The following ZNF280C variants were observed in gnomAD, a reference collection of about 807,000 sequenced individuals.
The protein encoded by ZNF280C is suppressor of hairy wing homolog 3.
In ZNF280C, 14 loss-of-function variants were observed where a neutral mutation model predicts 53.6. The ratio of observed to expected loss-of-function variants is 0.26; its 90% CI spans 0.17 to 0.41. ZNF280C has a LOEUF of 0.41. Ranked by LOEUF, ZNF280C falls within the 10% of genes least tolerant of loss-of-function variation. The pLI is 1.00. For synonymous variants in ZNF280C, 203 were observed against 181.1 expected (o/e 1.12, Z -0.97); for missense variants, 416 against 547.1 (o/e 0.76, Z 2.39).
intron 2 of ZNF280C, among the ~76,000 whole-genome samples, chrX:130,255,141 C>CTTTTTTTTTTT (rs754125713): frequency 1.1e-5 from 1 of 91,186 alleles, no homozygotes; most frequent in Non-Finnish European, 2.2e-5. Context: ...CTTTTTTTTT[C>CTTTTTTTTTTT]TTTTTTTTTT....
intron 12 of ZNF280C, among the ~76,000 whole-genome samples, chrX:130,225,063 C>T (rs1402774990): frequency 9.0e-6 from 1 of 111,513 alleles, no homozygotes; most frequent in Admixed American, 9.5e-5. Context: ...CAAGTTAAGG[C>T]ATACAACTTA....
At position 130,209,643 on chromosome X, in the gene ZNF280C, C is replaced by A; in HGVS notation, c.2042+10G>T. 8.4e-7 allele frequency: 1 copy of A among 1,190,332 alleles called. No individual in the cohort carries two copies. The highest frequency in any genetic ancestry group is 1.8e-5 in the South Asian group (1 of 54,670). On this transcript the variant is annotated intron_variant, in intron 16 of 18. Transcript: ENST00000370978. The stretch of plus-strand genomic sequence containing the variant: ...TTCAATTGAAAGAAAAAAAAAAGAT[C>A]AATGATTACCTGAGAGTTCCTGAAT...
intron 15 of ZNF280C, among the ~76,000 whole-genome samples, chrX:130,214,713 T>A (rs974451719): frequency 1.8e-5 from 2 of 112,032 alleles, no homozygotes; most frequent in Admixed American, 1.9e-4. Context: ...ATGTAACTGC[T>A]ATTACATAGT....
At chrX:130,230,440 G>T in intron 9 of ZNF280C, 70 bp downstream of exon 9, 1 of 698,687 alleles carries the variant, frequency 1.4e-6, no homozygotes, top group Non-Finnish European at 2.1e-6. Context: ...GCAGAGCAAT[G>T]TAAAGATACT....
Position 130,203,376 on chromosome X carries a change from G to C in ZNF280C, c.*1601C>G, listed in dbSNP as rs955196469. The C allele has an allele frequency of 5.4e-5, 6 of 111,852 alleles. No individual in the cohort carries two copies. Among genetic ancestry groups the C allele is most frequent in the African/African-American group, 1.9e-4 (6 of 30,787 alleles). The allele number at this position is 111,852 out of a possible 1,213,427, so 9.2% of individuals were successfully genotyped here. A position where few individuals can be genotyped will look rare whatever the true frequency, so the allele number is the denominator to read the frequency against. ...AAAAAGTTTAAAAATGTGAGTATCG[G>C]TCGGGTGCAGTGGCTCACACCTGTA... On this transcript the variant is annotated 3_prime_UTR_variant, in exon 19 of 19. Coordinates refer to ENST00000370978, the MANE Select transcript of ZNF280C (RefSeq NM_017666.5).
At position 130,209,727 on chromosome X, in the gene ZNF280C, C is replaced by T. The variant is rs375516046; in HGVS notation, c.1980-12G>A. 43 of 1,183,899 alleles carry T rather than the reference C, an allele frequency of 3.6e-5. No homozygotes were observed. The highest frequency in any genetic ancestry group is 1.2e-4 in the East Asian group (4 of 33,453). ...GGTTGCTATGAGAGCTGGAGAAACA[C>T]GAGACAAACAAGATTTTATTAATTT... On this transcript the variant is annotated splice_polypyrimidine_tract_variant and intron_variant, in intron 15 of 18. Coordinates refer to ENST00000370978, the MANE Select transcript of ZNF280C (RefSeq NM_017666.5).
chrX:130,256,457 G>A (rs1402282934), intron 2 of ZNF280C, among the ~76,000 whole-genome samples: 4 of 110,596 alleles, frequency 3.6e-5, no homozygotes, highest in Admixed American at 9.5e-5. Context: ...GGTGGTGCAC[G>A]CCTGTATTCC....
chrX:130,230,500 A>G lies in ZNF280C; in HGVS notation c.989+10T>C. The G allele has an allele frequency of 1.8e-6, 2 of 1,127,715 alleles. No individual in the cohort carries two copies. The highest frequency in any genetic ancestry group is 2.4e-6 in the Non-Finnish European group (2 of 831,006). The allele number at this position is 1,127,715 out of a possible 1,213,427, so 92.9% of individuals were successfully genotyped here. A position where few individuals can be genotyped will look rare whatever the true frequency, so the allele number is the denominator to read the frequency against. The stretch of plus-strand genomic sequence containing the variant: ...CTTTCAAACAGAAATAAAAATAAAT[A>G]TTTACATACCTAATATTATTTTTAA... On this transcript the variant is annotated intron_variant, in intron 9 of 18. Transcript: ENST00000370978.
At chrX:130,227,596 G>T in intron 11 of ZNF280C, 86 bp downstream of exon 11, 1 of 714,284 alleles carries the variant, frequency 1.4e-6, no homozygotes, top group Admixed American at 2.6e-5. Context: ...TATTTAAATG[G>T]CTTTAAAAAA....
intron 3 of ZNF280C, among the ~76,000 whole-genome samples, chrX:130,246,298 T>TGCTAC (rs886576991): frequency 2.7e-5 from 3 of 111,669 alleles, no homozygotes; most frequent in Admixed American, 9.5e-5. Context: ...GGAAGATGGG[T>TGCTAC]GTAGCCAAAG....
At chrX:130,237,535 C>G (rs1396068600) in intron 6 of ZNF280C, among the ~76,000 whole-genome samples, 1 of 111,245 alleles carries the variant, frequency 9.0e-6, no homozygotes, top group Non-Finnish European at 1.9e-5. Flanking sequence ...TAACCAGACC[C>G]AGCAAAAGTG....
rs753391667 is a variant in ZNF280C, at chrX:130,238,550, A to T, written c.493+1032T>A. ...ACAAAGTCCCACTCTCTGCTGTATT[A>T]ATCTTAGAGAGAGAGTAGGAGTCAC... is the stretch of plus-strand genomic sequence containing the variant. On this transcript the variant is annotated intron_variant, in intron 6 of 18. Transcript: ENST00000370978. Among the ~76,000 whole-genome samples, 3 of 111,497 alleles carry T rather than the reference A, an allele frequency of 2.7e-5. No individual in the cohort carries two copies. In the South Asian group the frequency reaches 1.1e-3, roughly 41 times the overall value.
chrX:130,207,327 T>C (rs1221139740), intron 16 of ZNF280C, among the ~76,000 whole-genome samples: 2 of 111,535 alleles, frequency 1.8e-5, no homozygotes. Flanking sequence ...GATTCAACAA[T>C]CTGCATCTAA....
chrX:130,247,112 A>G, intron 2 of ZNF280C, 107 bp from the exon 3 acceptor site: 1 of 788,246 alleles, frequency 1.3e-6, no homozygotes, highest in Non-Finnish European at 1.8e-6. Flanking sequence ...CCTAATAGCA[A>G]TTACTGACTT....
At chrX:130,226,056 C>A (rs1468203616) in intron 12 of ZNF280C, among the ~76,000 whole-genome samples, 2 of 112,394 alleles carry the variant, frequency 1.8e-5, no homozygotes, top group African/African-American at 6.5e-5. Flanking sequence ...AGCATAAAAT[C>A]AGAATTCAAG....
At chrX:130,222,806 A>C (rs1398276752) in intron 12 of ZNF280C, among the ~76,000 whole-genome samples, 1 of 111,454 alleles carries the variant, frequency 9.0e-6, no homozygotes, top group African/African-American at 3.3e-5. Flanking sequence ...CTGGGATTAC[A>C]GGCACCTGCC....
intron 15 of ZNF280C, among the ~76,000 whole-genome samples, chrX:130,213,364 C>G (rs1159662115): frequency 2.7e-5 from 3 of 111,569 alleles, no homozygotes; most frequent in African/African-American, 9.8e-5. Context: ...CAGAGCAAGA[C>G]TCCATCTCAA....
At chrX:130,246,038 C>T (rs961184309) in intron 3 of ZNF280C, among the ~76,000 whole-genome samples, 2 of 111,629 alleles carry the variant, frequency 1.8e-5, no homozygotes, top group African/African-American at 3.3e-5. Flanking sequence ...GTACCCACTT[C>T]GGCCTCCCAA....
At chrX:130,215,760 T>C (rs1227040273) in intron 14 of ZNF280C, 31 bp downstream of exon 14, 1 of 1,115,447 alleles carries the variant, frequency 9.0e-7, no homozygotes, top group Non-Finnish European at 1.2e-6. Flanking sequence ...AGATTAAATT[T>C]GTATTGTATA....
Sources: allele counts gnomAD v4.1 joint callset (sites outside exome capture counted in the v4.1 genomes callset), GRCh38; gene constraint gnomAD v4.1.1; transcripts MANE v1.5; gene names NCBI Gene and HGNC (gene_info 2026-07-23, HGNC 2026-07-21).